TNFRSF13B: variants seen among roughly 807,000 people sequenced by gnomAD.
TNFRSF13B encodes the protein tumor necrosis factor receptor superfamily member 13B.
In TNFRSF13B, 34 loss-of-function variants were observed where a neutral mutation model predicts 24.0. The ratio of observed to expected loss-of-function variants is 1.41; its 90% CI spans 1.08 to 1.88. The LOEUF (loss-of-function observed/expected upper bound fraction) is 1.88, where lower values mean the gene tolerates loss of function less well. TNFRSF13B is among the 40% of genes most tolerant of loss of function. TNFRSF13B has a pLI of 0.00. For synonymous variants in TNFRSF13B, 173 were observed against 150.3 expected (o/e 1.15, Z -1.10); for missense variants, 415 against 380.8 (o/e 1.09, Z -0.75).
intron 1 of TNFRSF13B, among the ~76,000 whole-genome samples, chr17:16,971,745 G>T (rs1207375474): frequency 2.0e-5 from 3 of 152,152 alleles, no homozygotes; most frequent in Non-Finnish European, 4.4e-5. Context: ...TGGGGGCTGT[G>T]CAGGGGCCAT....
chr17:16,939,891 GAGCTAAGGGCAATC>G, intron 4 of TNFRSF13B, 94 bp from the exon 5 acceptor site: 1 of 1,442,090 alleles, frequency 6.9e-7, no homozygotes, highest in Non-Finnish European at 9.1e-7. Flanking sequence ...CCCGACCCAG[GAGCTAAGGGCAATC>G]ACCAGCGTAG....
At position 16,939,354 on chromosome 17, in the gene TNFRSF13B, TCCCTCTCTGCCTCTCTTC is replaced by T; in HGVS notation, c.*175_*192del. 4.7e-6 allele frequency: 3 copies of T among 637,546 alleles called. No individual in the cohort carries two copies. The highest frequency in any genetic ancestry group is 7.5e-6 in the Non-Finnish European group (3 of 398,972). The allele number at this position is 637,546 out of a possible 1,614,324, so 39.5% of individuals were successfully genotyped here. A position where few individuals can be genotyped will look rare whatever the true frequency, so the allele number is the denominator to read the frequency against. On this transcript the variant is annotated 3_prime_UTR_variant, in exon 5 of 5. Transcript: ENST00000261652. ...CTGTCTCTTTCCTTCTCTGCCTCTT[TCCCTCTCTGCCTCTCTTC>T]CCCTCTGTCTCTCTCTCCCTCTGTC...
At chr17:16,943,865 C>G (rs888143569) in intron 3 of TNFRSF13B, among the ~76,000 whole-genome samples, 3 of 152,240 alleles carry the variant, frequency 2.0e-5, no homozygotes, top group African/African-American at 7.2e-5. Flanking sequence ...CTGTTCCCCT[C>G]AGGGAGACAC....
intron 1 of TNFRSF13B, among the ~76,000 whole-genome samples, chr17:16,971,391 A>G (rs1207074715): frequency 6.6e-6 from 1 of 151,938 alleles, no homozygotes; most frequent in Non-Finnish European, 1.5e-5. Context: ...AAAAAAAAAG[A>G]AAGCTATAGG....
intron 2 of TNFRSF13B, among the ~76,000 whole-genome samples, chr17:16,950,985 T>C (rs2087584779): frequency 6.6e-6 from 1 of 152,218 alleles, no homozygotes; most frequent in African/African-American, 2.4e-5. Flanking sequence ...CCTTGACACA[T>C]AGTCATTTCT....
chr17:16,968,893 A>G (rs141135902), intron 1 of TNFRSF13B, among the ~76,000 whole-genome samples: 1 of 152,392 alleles, frequency 6.6e-6, no homozygotes, highest in African/African-American at 2.4e-5. Flanking sequence ...AAATATTTCA[A>G]TAGGCATTTT....
chr17:16,942,146 T>G (rs1470604469), intron 3 of TNFRSF13B, among the ~76,000 whole-genome samples: 1 of 152,158 alleles, frequency 6.6e-6, no homozygotes. Flanking sequence ...ACATAATAGC[T>G]CTGTTTTGTT....
intron 1 of TNFRSF13B, among the ~76,000 whole-genome samples, chr17:16,965,855 A>T (rs183542528): frequency 1.1e-3 from 175 of 152,352 alleles, no homozygotes; most frequent in African/African-American, 3.8e-3. Context: ...CCATTTCATA[A>T]TTTTTTTACA....
At chr17:16,954,576 A>G (rs575977303) in intron 1 of TNFRSF13B, among the ~76,000 whole-genome samples, 2 of 152,228 alleles carry the variant, frequency 1.3e-5, no homozygotes, top group Non-Finnish European at 2.9e-5. Context: ...AGATGGAGGA[A>G]CCAGAGTGCC....
At chr17:16,971,440 G>A (rs1433771047) in intron 1 of TNFRSF13B, among the ~76,000 whole-genome samples, 1 of 152,030 alleles carries the variant, frequency 6.6e-6, no homozygotes, top group Non-Finnish European at 1.5e-5. Context: ...AAAAATGGGT[G>A]GAAACTGTTA....
At chr17:16,950,983 CAT>C (rs2087584760) in intron 2 of TNFRSF13B, among the ~76,000 whole-genome samples, 2 of 152,246 alleles carry the variant, frequency 1.3e-5, no homozygotes, top group South Asian at 2.1e-4. Flanking sequence ...TACCTTGACA[CAT>C]AGTCATTTCT....
intron 1 of TNFRSF13B, among the ~76,000 whole-genome samples, chr17:16,964,561 G>A (rs1234504734): frequency 1.3e-5 from 2 of 151,892 alleles, no homozygotes; most frequent in African/African-American, 4.8e-5. Flanking sequence ...GGCTGATCTC[G>A]AACCCCTGAC....
intron 3 of TNFRSF13B, among the ~76,000 whole-genome samples, chr17:16,947,351 T>A (rs547466522): frequency 1.3e-5 from 2 of 152,184 alleles, no homozygotes; most frequent in South Asian, 4.2e-4. Flanking sequence ...AATTGACAAG[T>A]GGGATCTAAT....
chr17:16,964,568 T>A (rs901389067), intron 1 of TNFRSF13B, among the ~76,000 whole-genome samples: 1 of 152,048 alleles, frequency 6.6e-6, no homozygotes, highest in African/African-American at 2.4e-5. Context: ...CTCGAACCCC[T>A]GACCTCAGGT....
intron 3 of TNFRSF13B, among the ~76,000 whole-genome samples, chr17:16,945,770 G>C (rs2143651069): frequency 6.6e-6 from 1 of 152,280 alleles, no homozygotes; most frequent in East Asian, 1.9e-4. Context: ...GATTAAAAAT[G>C]GCCTTGAATT....
chr17:16,947,447 G>A (rs1189488302), intron 3 of TNFRSF13B, among the ~76,000 whole-genome samples: 2 of 152,176 alleles, frequency 1.3e-5, no homozygotes, highest in Non-Finnish European at 2.9e-5. Context: ...TGCAAACTAT[G>A]CACCCAACAA....
At chr17:16,944,435 T>G (rs879280487) in intron 3 of TNFRSF13B, among the ~76,000 whole-genome samples, 2 of 152,060 alleles carry the variant, frequency 1.3e-5, no homozygotes, top group Non-Finnish European at 2.9e-5. Flanking sequence ...GAACTAAGGC[T>G]CAGAGAGGGT....
intron 1 of TNFRSF13B, among the ~76,000 whole-genome samples, chr17:16,970,205 G>C (rs2087734055): frequency 6.6e-6 from 1 of 152,186 alleles, no homozygotes; most frequent in African/African-American, 2.4e-5. Context: ...ACTGACACCA[G>C]CCAGGCAGAA....
At position 16,948,843 on chromosome 17, in the gene TNFRSF13B, G is replaced by GCTT; in HGVS notation, c.339_340insAAG (p.Asn113_Leu114insLys). The GCTT allele has an allele frequency of 6.2e-7, 1 of 1,614,232 alleles. No individual in the cohort carries two copies. Among genetic ancestry groups the GCTT allele is most frequent in the Non-Finnish European group, 8.5e-7 (1 of 1,180,044 alleles). On this transcript the variant is annotated inframe_insertion, in exon 3 of 5. Coordinates refer to ENST00000261652, the MANE Select transcript of TNFRSF13B (RefSeq NM_012452.3). ...CGCTGTCTCCTGAGCTCTGGTGGAA[G>GCTT]GTTCACTGGGCTCCTGAGCTTGTTC...
Sources: allele counts gnomAD v4.1 joint callset (sites outside exome capture counted in the v4.1 genomes callset), GRCh38; gene constraint gnomAD v4.1.1; transcripts MANE v1.5; gene names NCBI Gene and HGNC (gene_info 2026-07-23, HGNC 2026-07-21).